ZNF562: variants seen among roughly 807,000 people sequenced by gnomAD.
The protein encoded by ZNF562 is zinc finger protein 562.
Under a neutral mutation model 17.5 loss-of-function variants are expected in ZNF562, and 13 were observed. That is an observed-to-expected ratio of 0.74 (90% CI 0.48 to 1.18). The LOEUF (loss-of-function observed/expected upper bound fraction) is 1.18, where lower values mean the gene tolerates loss of function less well. ZNF562 is among the 50% of genes most tolerant of loss of function. The pLI is 0.00. For missense variants in ZNF562, 481 were observed against 498.5 expected, an observed-to-expected ratio of 0.96 and a Z score of 0.33; for synonymous variants, 163 against 165.4, an observed-to-expected ratio of 0.99 and a Z score of 0.11.
chr19:9,672,841 G>A (rs552089171), intron 1 of ZNF562, among the ~76,000 whole-genome samples: 34 of 150,336 alleles, frequency 2.3e-4, no homozygotes, highest in East Asian at 3.9e-4. Flanking sequence ...GGGCAGTGGC[G>A]GGATCTCGGC....
In ZNF562 at chr19:9,650,954, C is replaced by CAAAAAAAAAAAAAAAAAAA. The variant is rs74178208; in HGVS notation, c.*1976_*1994dup. ...GGGCAACAAGAGCAAAACTCCATCT[C>CAAAAAAAAAAAAAAAAAAA]AAAAAAAAAAAAAAAAAAAAAAAAA... On this transcript the variant is annotated 3_prime_UTR_variant, in exon 6 of 6. Transcript: ENST00000453372. The CAAAAAAAAAAAAAAAAAAA allele has an allele frequency of 3.0e-4, 14 of 46,312 alleles. No individual in the cohort carries two copies. Among genetic ancestry groups the CAAAAAAAAAAAAAAAAAAA allele is most frequent in the African/African-American group, 5.6e-4 (9 of 16,046 alleles). 2.9% of individuals were successfully genotyped at this position (46,312 alleles called of 1,614,324 possible).
intron 1 of ZNF562, among the ~76,000 whole-genome samples, chr19:9,669,703 CATGCACGCGCGCGA>C (rs2044075599): frequency 1.8e-5 from 2 of 113,792 alleles, no homozygotes; most frequent in South Asian, 5.5e-4. Flanking sequence ...GACCTGTCTG[CATGCACGCGCGCGA>C]GCGCGCGCGC....
rs1238251978 is a variant in ZNF562 at position 9,645,548 on chromosome 19, C to T, written c.*7401G>A. On this transcript the variant is annotated 3_prime_UTR_variant, in exon 6 of 6. Coordinates refer to ENST00000453372, the MANE Select transcript of ZNF562 (RefSeq NM_001130031.2). ...AGCCTCTTGAGGATGGACTTGCAAA[C>T]CAAAGTTGTGCTGGTTTCTACTGGT... 6.6e-6 allele frequency: 1 copy of T among 152,180 alleles called. No homozygotes were observed. Among genetic ancestry groups the T allele is most frequent in the Non-Finnish European group, 1.5e-5 (1 of 68,048 alleles). The allele number at this position is 152,180 out of a possible 1,614,324, so 9.4% of individuals were successfully genotyped here. A position where few individuals can be genotyped will look rare whatever the true frequency, so the allele number is the denominator to read the frequency against.
chr19:9,656,807 G>A (rs534304265), intron 4 of ZNF562, among the ~76,000 whole-genome samples, 154 bp from the exon 5 acceptor site: 1 of 151,400 alleles, frequency 6.6e-6, no homozygotes, highest in East Asian at 1.9e-4. Flanking sequence ...GGTGGATCAC[G>A]AGGTCAGGAG....
chr19:9,662,460 G>A (rs1047623625), intron 1 of ZNF562, among the ~76,000 whole-genome samples: 1 of 151,822 alleles, frequency 6.6e-6, no homozygotes, highest in African/African-American at 2.4e-5. Flanking sequence ...TACTCAGAAG[G>A]CTGAGGCAGG....
At chr19:9,656,357 A>AT (rs2043483981) in intron 5 of ZNF562, among the ~76,000 whole-genome samples, 190 bp downstream of exon 5, 1 of 151,942 alleles carries the variant, frequency 6.6e-6, no homozygotes, top group South Asian at 2.1e-4. Flanking sequence ...TAAATACAAT[A>AT]AATTAGCTGG....
intron 1 of ZNF562, among the ~76,000 whole-genome samples, chr19:9,665,015 A>G (rs956223514): frequency 1.3e-5 from 2 of 152,140 alleles, no homozygotes; most frequent in Non-Finnish European, 2.9e-5. Context: ...TGAGGTCAGG[A>G]GTTTGAGACC....
intron 1 of ZNF562, among the ~76,000 whole-genome samples, chr19:9,674,191 T>C (rs964276997): frequency 2.2e-4 from 33 of 152,054 alleles, no homozygotes; most frequent in African/African-American, 8.0e-4. Context: ...GAGTGGTTTG[T>C]TGGGGAAAAT....
At chr19:9,660,680 A>G (rs764747819) in intron 2 of ZNF562, 40 bp downstream of exon 2, 3 of 1,610,050 alleles carry the variant, frequency 1.9e-6, no homozygotes, top group Non-Finnish European at 2.5e-6. Flanking sequence ...AGGGCGACCT[A>G]AAGCAGAATC....
chr19:9,659,419 A>T lies in ZNF562; in HGVS notation c.74T>A (p.Ile25Lys). The part of the protein sequence containing the change: ...PICPFEEKTK[I>K]GTMVEDHRSN... The stretch of plus-strand genomic sequence containing the variant: ...CCGGTGGTCCTCTACCATCGTTCCT[A>T]TCTTTGTCTTTTCTTCAAAAGGACA... The change falls in exon 3 of 6, where the codon ATA becomes AAA. Residue 25 changes from isoleucine (I) to lysine (K), a missense_variant. Physicochemically the swap from Ile to Lys is moderately radical, Grantham distance 102 (BLOSUM62 -3). Around this residue, in one of 2 missense-constraint regions of ZNF562, gnomAD observed 403 missense variants for 386.4 expected, o/e 1.04. Transcript: ENST00000453372. 1 of 1,551,532 alleles carries T rather than the reference A, an allele frequency of 6.4e-7. No homozygotes were observed. Among genetic ancestry groups the T allele is most frequent in the Non-Finnish European group, 8.7e-7 (1 of 1,146,934 alleles).
chr19:9,651,966 A>G lies in ZNF562; in HGVS notation c.*983T>C, dbSNP rs1308632336. The G allele has an allele frequency of 6.6e-6, 1 of 152,218 alleles. No individual in the cohort carries two copies. Among genetic ancestry groups the G allele is most frequent in the Admixed American group, 6.5e-5 (1 of 15,272 alleles). 9.4% of individuals were successfully genotyped at this position (152,218 alleles called of 1,614,324 possible). A position where few individuals can be genotyped will look rare whatever the true frequency, so the allele number is the denominator to read the frequency against. The stretch of plus-strand genomic sequence containing the variant: ...CAAAAGGAGACCTGAATTGCAGAAG[A>G]AATTGTTAAGGAAAAAGGAACCAGA... On this transcript the variant is annotated 3_prime_UTR_variant, in exon 6 of 6. Coordinates refer to ENST00000453372, the MANE Select transcript of ZNF562 (RefSeq NM_001130031.2).
At chr19:9,669,730 GCGCGCACACACA>G (rs1250538397) in intron 1 of ZNF562, among the ~76,000 whole-genome samples, 112 of 86,952 alleles carry the variant, frequency 1.3e-3, no homozygotes, top group African/African-American at 4.1e-3. Flanking sequence ...GCGCGCGCGC[GCGCGCACACACA>G]CACACACACA....
At chr19:9,657,634 C>A (rs1242739062) in intron 4 of ZNF562, among the ~76,000 whole-genome samples, 1 of 151,152 alleles carries the variant, frequency 6.6e-6, no homozygotes, top group Non-Finnish European at 1.5e-5. Context: ...GCAACCCCTG[C>A]CTCCTGGGTT....
intron 1 of ZNF562, among the ~76,000 whole-genome samples, chr19:9,666,637 A>T (rs1261390142): frequency 6.6e-6 from 1 of 152,040 alleles, no homozygotes; most frequent in Non-Finnish European, 1.5e-5. Flanking sequence ...AACAAAATTA[A>T]CCTTCGGCTA....
intron 1 of ZNF562, among the ~76,000 whole-genome samples, chr19:9,673,352 C>A (rs568011686): frequency 6.6e-6 from 1 of 152,140 alleles, no homozygotes; most frequent in African/African-American, 2.4e-5. Context: ...AAATAAATTG[C>A]GTTGCTGAGA....
chr19:9,667,222 T>C (rs2145031132), intron 1 of ZNF562, among the ~76,000 whole-genome samples: 1 of 152,236 alleles, frequency 6.6e-6, no homozygotes, highest in African/African-American at 2.4e-5. Context: ...CATATGCAAA[T>C]CAATAAATGT....
Position 9,652,680 on chromosome 19 carries a change from C to G in ZNF562, c.*269G>C. On this transcript the variant is annotated 3_prime_UTR_variant, in exon 6 of 6. Transcript: ENST00000453372. The stretch of plus-strand genomic sequence containing the variant: ...ATGCATCTAAGGCCAATCTGTGAGC[C>G]ATTACAACCTCCAAAAGGCATTTAG... 3.6e-6 allele frequency: 1 copy of G among 280,016 alleles called. No individual in the cohort carries two copies. Among genetic ancestry groups the G allele is most frequent in the Middle Eastern group, 1.0e-3 (1 of 954 alleles). The allele number at this position is 280,016 out of a possible 1,614,324, so 17.3% of individuals were successfully genotyped here.
In ZNF562 at chr19:9,650,255, G is replaced by C. The variant is rs555692579; in HGVS notation, c.*2694C>G. 6.4e-4 allele frequency: 97 copies of C among 151,820 alleles called. No individual in the cohort carries two copies. Among genetic ancestry groups the C allele is most frequent in the African/African-American group, 2.3e-3 (94 of 41,360 alleles). The allele number at this position is 151,820 out of a possible 1,614,324, so 9.4% of individuals were successfully genotyped here. The stretch of plus-strand genomic sequence containing the variant: ...AGCTTCATCATCATACGAATTTTGG[G>C]GGTCATTGTTCAGTCCAAAGTACTT... On this transcript the variant is annotated 3_prime_UTR_variant, in exon 6 of 6. Transcript: ENST00000453372.
intron 1 of ZNF562, among the ~76,000 whole-genome samples, chr19:9,661,940 T>G (rs1162384874): frequency 6.6e-6 from 1 of 152,138 alleles, no homozygotes; most frequent in East Asian, 1.9e-4. Flanking sequence ...TTTTGCATTT[T>G]TAGTAGAAAC....
Sources: gnomAD v4.1 joint callset for allele counts (sites outside exome capture counted in the v4.1 genomes callset) on GRCh38, gnomAD v4.1.1 for gene constraint, gnomAD v4.1.1 regional missense constraint, MANE v1.5 for transcripts, NCBI Gene and HGNC (gene_info 2026-07-23, HGNC 2026-07-21) for gene names.